Variants in RAB2A observed in about 807,000 individuals in gnomAD.
RAB2A encodes RAB2A, member RAS oncogene family.
In RAB2A, 7 loss-of-function variants were observed where a neutral mutation model predicts 32.5. The observed-to-expected ratio is 0.22, with a 90% CI of 0.12 to 0.40. The LOEUF (loss-of-function observed/expected upper bound fraction) is 0.40. RAB2A is among the 10% of genes least tolerant of loss of function. The probability of loss-of-function intolerance (pLI) is 1.00; values close to 1 mark genes in which losing one functional copy is unlikely to be tolerated. For missense variants in RAB2A, 108 were observed against 260.7 expected (o/e 0.41, Z 4.03); for synonymous variants, 79 against 85.2 (o/e 0.93, Z 0.40).
chr8:60,548,688 G>A (rs1275313419), intron 1 of RAB2A, among the ~76,000 whole-genome samples: 6 of 144,296 alleles, frequency 4.2e-5, no homozygotes, highest in African/African-American at 1.6e-4. Context: ...GCCGGGCAGA[G>A]GGGCTCCTCA....
intron 1 of RAB2A, 81 bp downstream of exon 1, chr8:60,517,334 G>A (rs1365611035): frequency 7.0e-6 from 9 of 1,287,432 alleles, no homozygotes; most frequent in South Asian, 6.9e-5. Context: ...TGGCGGTGGC[G>A]GGGACGCGGA....
intron 3 of RAB2A, among the ~76,000 whole-genome samples, chr8:60,574,233 A>G (rs1229677673): frequency 6.6e-6 from 1 of 152,178 alleles, no homozygotes; most frequent in Non-Finnish European, 1.5e-5. Flanking sequence ...TATTTTGTGC[A>G]TATGTCTCCT....
intron 2 of RAB2A, among the ~76,000 whole-genome samples, chr8:60,561,889 T>G (rs1041776079): frequency 6.6e-6 from 1 of 152,192 alleles, no homozygotes; most frequent in Non-Finnish European, 1.5e-5. Flanking sequence ...TCCTTATCTT[T>G]TGTCCCCTGT....
At chr8:60,529,648 C>T (rs1310187435) in intron 1 of RAB2A, among the ~76,000 whole-genome samples, 1 of 152,090 alleles carries the variant, frequency 6.6e-6, no homozygotes, top group Non-Finnish European at 1.5e-5. Context: ...GACTCTGAAA[C>T]TTTTTTGCTC....
intron 6 of RAB2A, among the ~76,000 whole-genome samples, chr8:60,612,141 C>A (rs539973418): frequency 6.6e-6 from 1 of 152,260 alleles, no homozygotes; most frequent in South Asian, 2.1e-4. Flanking sequence ...CCCCAACCTC[C>A]CTACAGGTCC....
chr8:60,543,637 C>G (rs533269620), intron 1 of RAB2A, among the ~76,000 whole-genome samples: 18 of 152,278 alleles, frequency 1.2e-4, no homozygotes, highest in South Asian at 8.3e-4. Context: ...ATTATCTATT[C>G]AATTTACTAC....
intron 6 of RAB2A, among the ~76,000 whole-genome samples, chr8:60,618,078 T>G (rs955048903): frequency 2.0e-5 from 3 of 152,246 alleles, no homozygotes; most frequent in African/African-American, 7.2e-5. Context: ...GGCCAAATAA[T>G]ATTCTACTAA....
At chr8:60,539,341 A>G (rs1807603898) in intron 1 of RAB2A, among the ~76,000 whole-genome samples, 1 of 152,242 alleles carries the variant, frequency 6.6e-6, no homozygotes, top group Non-Finnish European at 1.5e-5. Context: ...AAGGAAAAAG[A>G]AGTGATTTTT....
intron 5 of RAB2A, among the ~76,000 whole-genome samples, chr8:60,590,028 C>A (rs964496409): frequency 1.3e-5 from 2 of 151,874 alleles, no homozygotes; most frequent in Non-Finnish European, 2.9e-5. Context: ...GTGGCGCGAT[C>A]TCTGCTCACT....
chr8:60,549,479 C>CTTT (rs34956255), intron 1 of RAB2A, among the ~76,000 whole-genome samples: 3 of 139,330 alleles, frequency 2.2e-5, no homozygotes, highest in Admixed American at 1.4e-4. Context: ...CTCCACCAAC[C>CTTT]TTTTTTTTTT....
At chr8:60,564,760 T>C (rs1230606892) in intron 2 of RAB2A, among the ~76,000 whole-genome samples, 3 of 152,198 alleles carry the variant, frequency 2.0e-5, no homozygotes, top group Non-Finnish European at 4.4e-5. Context: ...TAAATATAAG[T>C]AAATAGATTT....
intron 6 of RAB2A, among the ~76,000 whole-genome samples, chr8:60,614,241 C>T (rs1403871385): frequency 2.0e-5 from 2 of 98,322 alleles, no homozygotes; most frequent in South Asian, 3.9e-4. Context: ...ATTCTTCTAT[C>T]GGTTAGTGCA....
At position 60,614,480 on chromosome 8, in the gene RAB2A, G is replaced by A. The variant is rs376108878; in HGVS notation, c.475-4100G>A. Among the ~76,000 whole-genome samples, 8 of 152,142 alleles carry A rather than the reference G, an allele frequency of 5.3e-5. No homozygotes were observed. In the East Asian group the frequency reaches 1.4e-3, roughly 26 times the overall value. ...TTGCCCAGGCTGGTCTCAAACTCCT[G>A]ACCTCAAGCAGTCTTCCTGCCTACG... On this transcript the variant is annotated intron_variant, in intron 6 of 7. Coordinates refer to ENST00000262646, the MANE Select transcript of RAB2A (RefSeq NM_002865.3).
chr8:60,571,229 G>A (rs985219528), intron 2 of RAB2A, among the ~76,000 whole-genome samples: 3 of 152,188 alleles, frequency 2.0e-5, no homozygotes, highest in Admixed American at 1.3e-4. Flanking sequence ...CTTATAATTT[G>A]CCTAAAATTA....
intron 5 of RAB2A, among the ~76,000 whole-genome samples, chr8:60,587,874 ATG>A: frequency 6.6e-6 from 1 of 152,256 alleles, no homozygotes; most frequent in African/African-American, 2.4e-5. Flanking sequence ...TCTAGAATAT[ATG>A]AAGAATGCTT....
chr8:60,533,151 G>GT (rs1234882880), intron 1 of RAB2A, among the ~76,000 whole-genome samples: 1 of 152,194 alleles, frequency 6.6e-6, no homozygotes, highest in Non-Finnish European at 1.5e-5. Context: ...TAAAAACTTA[G>GT]TTTTACATTA....
At chr8:60,574,705 G>GT (rs1272429068) in intron 3 of RAB2A, among the ~76,000 whole-genome samples, 1 of 152,054 alleles carries the variant, frequency 6.6e-6, no homozygotes, top group Non-Finnish European at 1.5e-5. Flanking sequence ...TAGAAGCCTG[G>GT]TTTTTTGTGG....
intron 1 of RAB2A, among the ~76,000 whole-genome samples, chr8:60,530,606 A>T (rs867255774): frequency 5.3e-5 from 8 of 151,968 alleles, no homozygotes; most frequent in Admixed American, 1.3e-4. Flanking sequence ...CCTTTTTTTT[A>T]AAAAAGGCCT....
At chr8:60,523,030 GA>G (rs1807324756) in intron 1 of RAB2A, among the ~76,000 whole-genome samples, 1 of 152,010 alleles carries the variant, frequency 6.6e-6, no homozygotes, top group African/African-American at 2.4e-5. Context: ...TTCAGAGGTA[GA>G]AAAATTCTAT....
Sources: allele counts gnomAD v4.1 joint callset (sites outside exome capture counted in the v4.1 genomes callset), GRCh38; gene constraint gnomAD v4.1.1; transcripts MANE v1.5; gene names NCBI Gene and HGNC (gene_info 2026-07-23, HGNC 2026-07-21).